Variants in TECRL observed in about 807,000 individuals in gnomAD.
TECRL encodes trans-2,3-enoyl-CoA reductase-like.
Under a neutral mutation model 52.8 loss-of-function variants are expected in TECRL, and 63 were observed. That is an observed-to-expected ratio of 1.19 (90% CI 0.97 to 1.47). The LOEUF is 1.47. TECRL is among the 40% of genes most tolerant of loss of function. The probability of loss-of-function intolerance (pLI) is 0.00; values close to 1 mark genes in which losing one functional copy is unlikely to be tolerated. For synonymous variants in TECRL, 164 were observed against 141.9 expected (o/e 1.16, Z -1.10); for missense variants, 482 against 429.6 (o/e 1.12, Z -1.08).
chr4:64,304,525 A>G (rs1724213290), intron 7 of TECRL, among the ~76,000 whole-genome samples: 1 of 152,088 alleles, frequency 6.6e-6, no homozygotes, highest in South Asian at 2.1e-4. Context: ...TGTCAAATAA[A>G]TGAGAAATCA....
At chr4:64,287,647 GT>G (rs1448492117) in intron 9 of TECRL, among the ~76,000 whole-genome samples, 1 of 152,022 alleles carries the variant, frequency 6.6e-6, no homozygotes, top group East Asian at 1.9e-4. Context: ...AAGTAACTGA[GT>G]TTTTGCATTG....
intron 5 of TECRL, among the ~76,000 whole-genome samples, chr4:64,310,688 TA>T (rs1358840287): frequency 1.3e-5 from 2 of 152,206 alleles, no homozygotes; most frequent in Admixed American, 6.5e-5. Context: ...TGGTTGCTAT[TA>T]AAAAATTCAA....
At chr4:64,324,650 A>G (rs144531742) in intron 3 of TECRL, among the ~76,000 whole-genome samples, 3,806 of 152,214 alleles carry the variant, frequency 0.025, 78 homozygotes, top group Non-Finnish European at 0.039. Context: ...CACTTTTAAC[A>G]GCCAGATAAT....
At chr4:64,328,679 A>C (rs1284530932) in intron 2 of TECRL, 123 bp from the exon 3 acceptor site, 1 of 728,024 alleles carries the variant, frequency 1.4e-6, no homozygotes, top group Non-Finnish European at 2.3e-6. Flanking sequence ...ATCTAGTGTC[A>C]GAAATAGAAA....
Position 64,350,705 on chromosome 4 carries a change from C to T in TECRL, c.287-22149G>A, listed in dbSNP as rs73230410. Among the ~76,000 whole-genome samples, 512 of 151,960 alleles carry T rather than the reference C, an allele frequency of 3.4e-3. 2 individuals are homozygous for T. Among genetic ancestry groups the T allele is most frequent in the African/African-American group, 0.012 (491 of 41,466 alleles). The stretch of plus-strand genomic sequence containing the variant: ...TTTGAAGAAGAAGAAAATTTGCCAG[C>T]GGACTGCCTTTTAACTCGAACAGCA... On this transcript the variant is annotated intron_variant, in intron 2 of 11. Coordinates refer to ENST00000381210, the MANE Select transcript of TECRL (RefSeq NM_001010874.5).
chr4:64,309,811 A>C lies in TECRL; in HGVS notation c.657+15T>G, dbSNP rs1577846022. The C allele has an allele frequency of 8.7e-6, 13 of 1,498,786 alleles. No homozygotes were observed. The African/African-American group carries it at 1.1e-4, about 13-fold the overall frequency. 92.8% of individuals were successfully genotyped at this position (1,498,786 alleles called of 1,614,324 possible). Reference sequence around the variant, plus strand: ...AAATGTCTCAATCATTATTAAAAACACAAAGCATCCTCACCATTATCAAAT... The same window carrying C: ...AAATGTCTCAATCATTATTAAAAACCCAAAGCATCCTCACCATTATCAAAT... On this transcript the variant is annotated intron_variant, in intron 6 of 11. Transcript: ENST00000381210.
At chr4:64,317,784 T>C (rs1016269898) in intron 4 of TECRL, among the ~76,000 whole-genome samples, 1 of 152,186 alleles carries the variant, frequency 6.6e-6, no homozygotes, top group Non-Finnish European at 1.5e-5. Flanking sequence ...AAAGCCTTTT[T>C]CAGCCTTCAG....
chr4:64,327,249 C>CTA (rs1304752674), intron 3 of TECRL, among the ~76,000 whole-genome samples: 3 of 151,918 alleles, frequency 2.0e-5, no homozygotes, highest in Admixed American at 6.6e-5. Context: ...ACTGCGACAA[C>CTA]TATATTTTAC....
At chr4:64,397,898 A>ATGTGTGTGTGTGTGTGTGTG (rs56714682) in intron 1 of TECRL, 35 of 150,192 alleles carry the variant, frequency 2.3e-4, no homozygotes, top group African/African-American at 8.0e-4. Context: ...GGAAAGAAAT[A>ATGTGTGTGTGTGTGTGTGTG]TGTGTGTGTG....
chr4:64,401,057 C>T (rs1371067266), intron 1 of TECRL, among the ~76,000 whole-genome samples: 3 of 152,158 alleles, frequency 2.0e-5, no homozygotes, highest in African/African-American at 7.2e-5. Context: ...CCAAATGTGG[C>T]AGTCTTGAAC....
chr4:64,305,022 A>G (rs1724245545), intron 7 of TECRL, 144 bp downstream of exon 7: 2 of 562,242 alleles, frequency 3.6e-6, no homozygotes, highest in South Asian at 4.6e-5. Flanking sequence ...GTAGGCCTAC[A>G]TAAACATTTA....
intron 8 of TECRL, among the ~76,000 whole-genome samples, chr4:64,295,612 A>G (rs1444963811): frequency 6.6e-6 from 1 of 151,704 alleles, no homozygotes; most frequent in African/African-American, 2.4e-5. Context: ...GTTTACATAC[A>G]CTAACTCTGA....
rs189745264 is a variant in TECRL, at chr4:64,396,951, A to G, written c.234+12167T>C. Among the ~76,000 whole-genome samples the G allele has an allele frequency of 2.6e-5, 4 of 152,230 alleles. No homozygotes were observed. The East Asian group carries it at 7.7e-4, about 29-fold the overall frequency. ...CTTGTTTTTGTTGACTGTGTTGAAG[A>G]TCATCACACTATCTGATTTCAAACT... On this transcript the variant is annotated intron_variant, in intron 1 of 11. Coordinates refer to ENST00000381210, the MANE Select transcript of TECRL (RefSeq NM_001010874.5).
At chr4:64,330,958 G>T (rs1718595218) in intron 2 of TECRL, among the ~76,000 whole-genome samples, 1 of 151,922 alleles carries the variant, frequency 6.6e-6, no homozygotes, top group Non-Finnish European at 1.5e-5. Context: ...TATGCATAGA[G>T]ATCACAAGAC....
At chr4:64,367,332 C>A (rs911459080) in intron 2 of TECRL, among the ~76,000 whole-genome samples, 2 of 152,040 alleles carry the variant, frequency 1.3e-5, no homozygotes, top group African/African-American at 4.8e-5. Context: ...CCAACCCCAA[C>A]AACAAGCAAT....
chr4:64,383,958 T>G (rs1373953565), intron 1 of TECRL, among the ~76,000 whole-genome samples: 1 of 152,070 alleles, frequency 6.6e-6, no homozygotes, highest in Non-Finnish European at 1.5e-5. Context: ...TCTTGGTGGG[T>G]GCAGTATTGT....
intron 2 of TECRL, among the ~76,000 whole-genome samples, chr4:64,359,761 A>G (rs1304893762): frequency 6.6e-6 from 1 of 152,106 alleles, no homozygotes; most frequent in Admixed American, 6.6e-5. Flanking sequence ...GCAATTTTAC[A>G]ATCATATATC....
At chr4:64,393,779 A>T (rs574617542) in intron 1 of TECRL, among the ~76,000 whole-genome samples, 1 of 152,008 alleles carries the variant, frequency 6.6e-6, no homozygotes, top group African/African-American at 2.4e-5. Flanking sequence ...TAAAAAAATT[A>T]TTATCTGGAG....
At chr4:64,348,343 C>A (rs1720142581) in intron 2 of TECRL, among the ~76,000 whole-genome samples, 1 of 152,102 alleles carries the variant, frequency 6.6e-6, no homozygotes, top group African/African-American at 2.4e-5. Context: ...AGGAGAACAG[C>A]ATGGTTTCAA....
Sources: gnomAD v4.1 joint callset for allele counts (sites outside exome capture counted in the v4.1 genomes callset) on GRCh38, gnomAD v4.1.1 for gene constraint, MANE v1.5 for transcripts, NCBI Gene and HGNC (gene_info 2026-07-23, HGNC 2026-07-21) for gene names.